Variants in C12orf42 observed in about 807,000 individuals in gnomAD.
C12orf42 encodes chromosome 12 open reading frame 42, also known as uncharacterized protein C12orf42.
In C12orf42, 25 loss-of-function variants were observed where a neutral mutation model predicts 21.6. The observed-to-expected ratio is 1.16, with a 90% CI of 0.84 to 1.62. The LOEUF is 1.62. Among genes scored for constraint, C12orf42 ranks in the 40% most tolerant of loss-of-function variants. The probability of loss-of-function intolerance (pLI) is 0.00; values close to 1 mark genes in which losing one functional copy is unlikely to be tolerated. For synonymous variants in C12orf42, 174 were observed against 175.0 expected (o/e 0.99, Z 0.05); for missense variants, 483 against 459.3 (o/e 1.05, Z -0.47).
chr12:103,152,237 C>T, the C12orf42 span, among the ~76,000 whole-genome samples: 1 of 152,172 alleles, frequency 6.6e-6, no homozygotes. Flanking sequence ...AGACCCTGAG[C>T]AGAGTATCCA....
the C12orf42 span, among the ~76,000 whole-genome samples, chr12:103,184,543 G>A: frequency 9.5e-4 from 144 of 152,222 alleles, no homozygotes; most frequent in South Asian, 0.018. Flanking sequence ...TGAACTGAAA[G>A]CTATAGATGA....
chr12:103,082,659 C>T, the C12orf42 span, among the ~76,000 whole-genome samples: 7 of 152,292 alleles, frequency 4.6e-5, no homozygotes, highest in South Asian at 2.1e-4. Flanking sequence ...CAAACCTGCA[C>T]GTTGTGCCCA....
At chr12:103,267,695 T>C (rs1274605488), downstream of C12orf42, 1 of 152,114 alleles carries the variant, frequency 6.6e-6, no homozygotes, top group Non-Finnish European at 1.5e-5. Flanking sequence ...GAAGGTGTTT[T>C]AGAGATGACA....
At chr12:103,462,303 G>T (rs530589573) in intron 2 of C12orf42, among the ~76,000 whole-genome samples, 1 of 151,280 alleles carries the variant, frequency 6.6e-6, no homozygotes, top group East Asian at 1.9e-4. Flanking sequence ...TACAGATGGG[G>T]TTTTGCCATG....
At chr12:103,168,273 T>C in the C12orf42 span, 1 of 278,488 alleles carries the variant, frequency 3.6e-6, no homozygotes, top group Non-Finnish European at 7.2e-6. Flanking sequence ...TTGTGAACTA[T>C]GGGAAATATA....
At chr12:103,419,943 G>A (rs1397511328) in intron 2 of C12orf42, among the ~76,000 whole-genome samples, 2 of 152,150 alleles carry the variant, frequency 1.3e-5, no homozygotes, top group African/African-American at 2.4e-5. Context: ...GTGATTAATT[G>A]TATAAAATTA....
the C12orf42 span, among the ~76,000 whole-genome samples, chr12:103,501,425 C>G: frequency 6.6e-6 from 1 of 152,156 alleles, no homozygotes; most frequent in African/African-American, 2.4e-5. Context: ...CTGAAGGGGG[C>G]TAAATGGTAA....
chr12:103,381,350 C>T (rs895977928), intron 3 of C12orf42, among the ~76,000 whole-genome samples: 1 of 152,166 alleles, frequency 6.6e-6, no homozygotes, highest in African/African-American at 2.4e-5. Context: ...AGGATGCAAG[C>T]ACAGGGTGAA....
chr12:103,077,643 C>G, the C12orf42 span, among the ~76,000 whole-genome samples: 1 of 152,116 alleles, frequency 6.6e-6, no homozygotes, highest in African/African-American at 2.4e-5. Flanking sequence ...GAGACAAGGC[C>G]TACAGGAAGC....
the C12orf42 span, among the ~76,000 whole-genome samples, chr12:103,052,498 T>C: frequency 6.6e-6 from 1 of 152,104 alleles, no homozygotes; most frequent in East Asian, 1.9e-4. Flanking sequence ...TTGAAAGTAT[T>C]TATTCATGAT....
At chr12:103,323,602 A>G (rs1728587970) in intron 4 of C12orf42, among the ~76,000 whole-genome samples, 1 of 152,260 alleles carries the variant, frequency 6.6e-6, no homozygotes, top group Non-Finnish European at 1.5e-5. Flanking sequence ...GGCAGAGTTT[A>G]CAAACTTAAA....
the C12orf42 span, among the ~76,000 whole-genome samples, chr12:103,523,642 G>A: frequency 2.7e-5 from 4 of 150,480 alleles, no homozygotes; most frequent in South Asian, 2.1e-4. Flanking sequence ...TATATGTAGT[G>A]TCTATATATA....
At chr12:103,152,526 A>G in the C12orf42 span, among the ~76,000 whole-genome samples, 314 of 152,330 alleles carry the variant, frequency 2.1e-3, 2 homozygotes, top group African/African-American at 7.0e-3. Flanking sequence ...TCACAAATAT[A>G]GGAAAAAATG....
intron 1 of C12orf42, among the ~76,000 whole-genome samples, chr12:103,480,622 TTTA>T (rs1344883638): frequency 6.6e-6 from 1 of 151,862 alleles, no homozygotes; most frequent in Non-Finnish European, 1.5e-5. Flanking sequence ...ATATAATGCT[TTTA>T]TTATCTCTCA....
chr12:103,304,708 GC>G (rs1460082841), intron 5 of C12orf42, among the ~76,000 whole-genome samples: 2 of 152,166 alleles, frequency 1.3e-5, no homozygotes, highest in African/African-American at 4.8e-5. Context: ...TCAACATATT[GC>G]CTTGTTCATA....
intron 1 of C12orf42, among the ~76,000 whole-genome samples, chr12:103,494,116 C>T (rs971483996): frequency 6.6e-6 from 1 of 152,186 alleles, no homozygotes; most frequent in Non-Finnish European, 1.5e-5. Flanking sequence ...AATAAAACAA[C>T]CCTCTCTTAG....
At chr12:103,101,847 G>T in the C12orf42 span, among the ~76,000 whole-genome samples, 2 of 152,196 alleles carry the variant, frequency 1.3e-5, no homozygotes, top group African/African-American at 4.8e-5. Context: ...TCAGCTGTCT[G>T]CTAAGGTGAG....
chr12:103,456,497 T>C (rs1952303763), intron 2 of C12orf42, among the ~76,000 whole-genome samples: 1 of 152,190 alleles, frequency 6.6e-6, no homozygotes, highest in Admixed American at 6.6e-5. Flanking sequence ...CAAAACCTTC[T>C]GTGCCTGCTT....
Position 103,287,798 on chromosome 12 carries a change from G to C in C12orf42, n.338-10588C>G, listed in dbSNP as rs537270391. Among the ~76,000 whole-genome samples the C allele has an allele frequency of 3.1e-3, 466 of 151,674 alleles. 2 individuals carry two copies. The highest frequency in any genetic ancestry group is 5.4e-3 in the Non-Finnish European group (368 of 67,882). ...ACCTACGCACACAAACACACACACA[G>C]AGAGAGAAAGAGAGAGAGAGAGACA... is the stretch of plus-strand genomic sequence containing the variant. On this transcript the variant is annotated intron_variant and non_coding_transcript_variant, in intron 4 of 6. Coordinates refer to the C12orf42 transcript ENST00000546526.
Sources: allele counts gnomAD v4.1 joint callset (sites outside exome capture counted in the v4.1 genomes callset), GRCh38; gene constraint gnomAD v4.1.1; transcripts MANE v1.5; gene names NCBI Gene and HGNC (gene_info 2026-07-23, HGNC 2026-07-21).